TMEM132D: variants seen among roughly 807,000 people sequenced by gnomAD.
TMEM132D encodes mature OL transmembrane protein.
A neutral mutation model predicts 62.3 loss-of-function variants in TMEM132D; 21 were observed. The ratio of observed to expected loss-of-function variants is 0.34; its 90% CI spans 0.24 to 0.49. The LOEUF (loss-of-function observed/expected upper bound fraction) is 0.49, where lower values mean the gene tolerates loss of function less well. TMEM132D is among the 20% of genes least tolerant of loss of function. TMEM132D has a pLI of 0.99. For missense variants in TMEM132D, 1,346 were observed against 1,402.8 expected (o/e 0.96, Z 0.65); for synonymous variants, 621 against 575.6 (o/e 1.08, Z -1.13).
At chr12:129,499,514 G>A (rs1875062219) in intron 3 of TMEM132D, among the ~76,000 whole-genome samples, 1 of 152,142 alleles carries the variant, frequency 6.6e-6, no homozygotes, top group African/African-American at 2.4e-5. Flanking sequence ...GGCAAGATCA[G>A]GAGGACACAG....
intron 4 of TMEM132D, among the ~76,000 whole-genome samples, chr12:129,289,957 C>G (rs1275430680): frequency 1.3e-5 from 2 of 152,146 alleles, no homozygotes; most frequent in East Asian, 3.9e-4. Context: ...ATGTGCAGCT[C>G]TGGATTGGAT....
chr12:129,692,383 T>A (rs116602381), intron 2 of TMEM132D, among the ~76,000 whole-genome samples: 2,001 of 152,332 alleles, frequency 0.013, 55 homozygotes, highest in African/African-American at 0.044. Context: ...CACTTTTCAA[T>A]GGGGTCGTTT....
chr12:129,422,544 G>A (rs1357200097), intron 3 of TMEM132D, among the ~76,000 whole-genome samples: 2 of 152,150 alleles, frequency 1.3e-5, no homozygotes, highest in African/African-American at 4.8e-5. Flanking sequence ...TAACATCTAG[G>A]TCTGAAAAGG....
chr12:129,082,641 T>C (rs570384659), intron 6 of TMEM132D, among the ~76,000 whole-genome samples: 21 of 152,292 alleles, frequency 1.4e-4, no homozygotes, highest in African/African-American at 4.1e-4. Flanking sequence ...CACTGACACT[T>C]GGACTGCAGC....
chr12:129,104,921 A>G (rs1394892104), intron 5 of TMEM132D, among the ~76,000 whole-genome samples: 6 of 147,674 alleles, frequency 4.1e-5, no homozygotes, highest in Non-Finnish European at 8.9e-5. Flanking sequence ...GTGGAGAAAT[A>G]GGAACAGTTT....
At chr12:129,157,976 G>T (rs559785650) in intron 5 of TMEM132D, among the ~76,000 whole-genome samples, 2 of 152,276 alleles carry the variant, frequency 1.3e-5, no homozygotes, top group Non-Finnish European at 2.9e-5. Context: ...TTGTCAGAGG[G>T]GTGGAGATGA....
At chr12:129,233,567 G>A (rs1243829544) in intron 4 of TMEM132D, among the ~76,000 whole-genome samples, 2 of 152,160 alleles carry the variant, frequency 1.3e-5, no homozygotes, top group African/African-American at 4.8e-5. Context: ...TAACATGGAA[G>A]CATAGCTTGA....
intron 5 of TMEM132D, among the ~76,000 whole-genome samples, chr12:129,150,066 G>A (rs948847987): frequency 6.6e-6 from 1 of 152,210 alleles, no homozygotes; most frequent in Non-Finnish European, 1.5e-5. Context: ...CAGAAGCTGC[G>A]CCTCCTGCAG....
intron 5 of TMEM132D, among the ~76,000 whole-genome samples, chr12:129,159,149 G>A (rs1403174381): frequency 6.6e-6 from 1 of 152,152 alleles, no homozygotes; most frequent in East Asian, 1.9e-4. Flanking sequence ...AGTAGATGAG[G>A]ATGGACAATG....
intron 5 of TMEM132D, among the ~76,000 whole-genome samples, chr12:129,171,014 T>C (rs1877709823): frequency 6.6e-6 from 1 of 152,184 alleles, no homozygotes; most frequent in South Asian, 2.1e-4. Flanking sequence ...CTTCCTTTCA[T>C]GAATGACTTC....
chr12:129,205,782 C>G (rs1878832974), intron 5 of TMEM132D, among the ~76,000 whole-genome samples: 1 of 151,436 alleles, frequency 6.6e-6, no homozygotes, highest in African/African-American at 2.4e-5. Context: ...CAATCCTTAG[C>G]AAATTCAAAA....
intron 1 of TMEM132D, among the ~76,000 whole-genome samples, chr12:129,743,112 C>T (rs915263478): frequency 6.6e-6 from 1 of 152,254 alleles, no homozygotes; most frequent in Non-Finnish European, 1.5e-5. Context: ...CCTCTGCCCT[C>T]CTGGGTTCAG....
At chr12:129,355,096 T>C (rs976735632) in intron 3 of TMEM132D, among the ~76,000 whole-genome samples, 4 of 152,234 alleles carry the variant, frequency 2.6e-5, no homozygotes, top group African/African-American at 9.6e-5. Flanking sequence ...TTAAGTCCGA[T>C]ACTGTGTCTA....
At chr12:129,469,296 C>G (rs1874022153) in intron 3 of TMEM132D, among the ~76,000 whole-genome samples, 1 of 152,120 alleles carries the variant, frequency 6.6e-6, no homozygotes, top group Non-Finnish European at 1.5e-5. Flanking sequence ...CTGGTTCTGA[C>G]CCTTAAAACT....
chr12:129,484,236 C>A (rs929826711), intron 3 of TMEM132D, among the ~76,000 whole-genome samples: 3 of 152,142 alleles, frequency 2.0e-5, no homozygotes, highest in African/African-American at 7.2e-5. Context: ...TCCCAAAGTG[C>A]TGGGAGTCAA....
intron 5 of TMEM132D, among the ~76,000 whole-genome samples, chr12:129,116,291 C>G (rs1287701506): frequency 6.6e-6 from 1 of 152,190 alleles, no homozygotes; most frequent in Non-Finnish European, 1.5e-5. Context: ...TACGTGGTCA[C>G]ATCCACTACT....
intron 4 of TMEM132D, among the ~76,000 whole-genome samples, chr12:129,265,228 G>A (rs1254653791): frequency 2.6e-5 from 4 of 152,156 alleles, no homozygotes; most frequent in Non-Finnish European, 4.4e-5. Context: ...GTGACACACT[G>A]GAGCTGGGAA....
intron 2 of TMEM132D, among the ~76,000 whole-genome samples, chr12:129,679,402 A>C (rs2137206930): frequency 6.6e-6 from 1 of 152,218 alleles, no homozygotes; most frequent in Admixed American, 6.5e-5. Flanking sequence ...GCTCTTCCTT[A>C]ATACAGCAAA....
At chr12:129,214,843 T>C (rs1195262929) in intron 4 of TMEM132D, among the ~76,000 whole-genome samples, 1 of 152,218 alleles carries the variant, frequency 6.6e-6, no homozygotes, top group Non-Finnish European at 1.5e-5. Flanking sequence ...GTAAAGGGAA[T>C]ACTTATATAC....
Sources: gnomAD v4.1 joint callset for allele counts (sites outside exome capture counted in the v4.1 genomes callset) on GRCh38, gnomAD v4.1.1 for gene constraint, MANE v1.5 for transcripts, NCBI Gene and HGNC (gene_info 2026-07-23, HGNC 2026-07-21) for gene names.